Variants in RAP1GAP2 observed in about 807,000 individuals in gnomAD.
RAP1GAP2 encodes RAP1 GTPase activating protein 2.
RAP1GAP2 carries 27 observed loss-of-function variants against 95.0 expected under a neutral mutation model. The ratio of observed to expected loss-of-function variants is 0.28; its 90% CI spans 0.21 to 0.39. RAP1GAP2 has a LOEUF of 0.39. RAP1GAP2 is among the 10% of genes least tolerant of loss of function. The pLI, the probability that RAP1GAP2 is intolerant of heterozygous loss-of-function variation, is 1.00. For missense variants in RAP1GAP2, 771 were observed against 970.0 expected (o/e 0.79, Z 2.72); for synonymous variants, 373 against 380.9 (o/e 0.98, Z 0.24).
intron 4 of RAP1GAP2, among the ~76,000 whole-genome samples, chr17:2,958,759 TG>T (rs1235237680): frequency 6.7e-6 from 1 of 150,296 alleles, no homozygotes; most frequent in Non-Finnish European, 1.5e-5. Context: ...TCTGCAATAA[TG>T]GTCTGGAAGT....
intron 2 of RAP1GAP2, among the ~76,000 whole-genome samples, chr17:2,840,059 G>A (rs1377357456): frequency 1.3e-5 from 2 of 151,916 alleles, no homozygotes; most frequent in Non-Finnish European, 2.9e-5. Context: ...AACCATTTTC[G>A]TCACATCCTG....
At position 3,036,149 on chromosome 17, in the gene RAP1GAP2, T is replaced by C. The variant is rs182109963; in HGVS notation, c.*2788T>C. The C allele has an allele frequency of 6.6e-6, 1 of 152,240 alleles. No individual in the cohort carries two copies. Among genetic ancestry groups the C allele is most frequent in the Non-Finnish European group, 1.5e-5 (1 of 68,050 alleles). 9.4% of individuals were successfully genotyped at this position (152,240 alleles called of 1,614,324 possible). A position where few individuals can be genotyped will look rare whatever the true frequency, so the allele number is the denominator to read the frequency against. ...TGAGAGTGTCTGTCTATGCCAATCA[T>C]GTAAAATGACGTTTCTTGAAAAAGA... On this transcript the variant is annotated 3_prime_UTR_variant, in exon 25 of 25. Coordinates refer to ENST00000254695, the MANE Select transcript of RAP1GAP2 (RefSeq NM_015085.5).
intron 1 of RAP1GAP2, among the ~76,000 whole-genome samples, chr17:2,762,208 C>T (rs768691096): frequency 2.6e-5 from 4 of 151,236 alleles, no homozygotes; most frequent in South Asian, 2.1e-4. Context: ...AGGATGATCT[C>T]GATCTCCTGA....
At chr17:2,919,561 A>G (rs1204604306) in intron 3 of RAP1GAP2, among the ~76,000 whole-genome samples, 1 of 150,998 alleles carries the variant, frequency 6.6e-6, no homozygotes, top group African/African-American at 2.4e-5. Context: ...AAGTGGGGGC[A>G]GGGCCTAAAA....
intron 3 of RAP1GAP2, among the ~76,000 whole-genome samples, chr17:2,946,172 T>C (rs556203033): frequency 6.6e-6 from 1 of 152,342 alleles, no homozygotes; most frequent in African/African-American, 2.4e-5. Context: ...AACAGTACGC[T>C]GTTGGATTTG....
intron 2 of RAP1GAP2, among the ~76,000 whole-genome samples, chr17:2,834,622 C>T (rs934713497): frequency 2.6e-5 from 4 of 152,154 alleles, no homozygotes; most frequent in Non-Finnish European, 5.9e-5. Flanking sequence ...CGTGGCAAAA[C>T]CCCATCTCTA....
intron 17 of RAP1GAP2, among the ~76,000 whole-genome samples, chr17:3,015,914 G>T (rs2046749390): frequency 6.6e-6 from 1 of 152,196 alleles, no homozygotes; most frequent in Non-Finnish European, 1.5e-5. Flanking sequence ...CAACACAGTT[G>T]TACAGGTGTG....
At position 2,764,569 on chromosome 17, in the gene RAP1GAP2, A is replaced by G. The variant is rs1008535480; in HGVS notation, c.51-5760A>G. 2.6e-5 allele frequency among the ~76,000 whole-genome samples: 4 copies of G among 151,428 alleles called. No individual in the cohort carries two copies. In the East Asian group the frequency reaches 7.8e-4, roughly 29 times the overall value. The stretch of plus-strand genomic sequence containing the variant: ...AACCCCGTCTCTACTAAAAGCACAA[A>G]AATTAGCTGGGTGTGGTGGCAGGCA... On this transcript the variant is annotated intron_variant, in intron 1 of 25. Coordinates refer to the RAP1GAP2 transcript ENST00000637138.
intron 10 of RAP1GAP2, among the ~76,000 whole-genome samples, chr17:2,984,205 C>CG (rs2045472400): frequency 6.6e-6 from 1 of 151,854 alleles, no homozygotes; most frequent in Admixed American, 6.6e-5. Flanking sequence ...AAAAATTAGC[C>CG]GGTGTGATGG....
chr17:3,010,073 G>A (rs2046467696), intron 17 of RAP1GAP2, among the ~76,000 whole-genome samples: 1 of 152,156 alleles, frequency 6.6e-6, no homozygotes. Flanking sequence ...CAGGTGCCGT[G>A]CCTCACGCCT....
rs757163465 is a variant in RAP1GAP2 at position 2,905,395 on chromosome 17, G to T, written c.165+27G>T. ...TAAGAGGCTTCGATTCAGGAAGGCA[G>T]GGAGGGGAGAGTGTGGGGAAGTTGT... On this transcript the variant is annotated intron_variant, in intron 3 of 24. Transcript: ENST00000254695. 2.5e-6 allele frequency: 4 copies of T among 1,607,812 alleles called. No individual in the cohort carries two copies. In the South Asian group the frequency reaches 3.3e-5, roughly 13 times the overall value.
At chr17:2,962,604 C>T (rs2044386752) in intron 4 of RAP1GAP2, 66 bp from the exon 5 acceptor site, 3 of 1,478,748 alleles carry the variant, frequency 2.0e-6, no homozygotes, top group South Asian at 2.5e-5. Flanking sequence ...AGGCCAGGTG[C>T]TCTTTATCTG....
At chr17:2,810,952 A>G (rs534149117) in intron 2 of RAP1GAP2, among the ~76,000 whole-genome samples, 1 of 152,200 alleles carries the variant, frequency 6.6e-6, no homozygotes, top group South Asian at 2.1e-4. Context: ...ATTTTATTGT[A>G]GTACAACTTT....
chr17:2,882,241 C>T (rs2073331776), intron 2 of RAP1GAP2, among the ~76,000 whole-genome samples: 1 of 151,496 alleles, frequency 6.6e-6, no homozygotes, highest in African/African-American at 2.4e-5. Flanking sequence ...ATTCTCCTGC[C>T]TCAGCCTCCT....
In RAP1GAP2 at chr17:3,004,129, C is replaced by T. The variant is rs2046259325; in HGVS notation, c.1201-1240C>T. 6.6e-6 allele frequency among the ~76,000 whole-genome samples: 1 copy of T among 152,312 alleles called. No homozygotes were observed. Among genetic ancestry groups the T allele is most frequent in the African/African-American group, 2.4e-5 (1 of 41,584 alleles). On this transcript the variant is annotated intron_variant, in intron 14 of 24. Coordinates refer to ENST00000254695, the MANE Select transcript of RAP1GAP2 (RefSeq NM_015085.5). The surrounding 1 kb of genome is among the most constrained non-coding windows in gnomAD (Gnocchi z 4.1). ...CCCACCCCTGATTCTGGCTCTGTGA[C>T]TGAATTCTTGACCTGGGCCACCGGT...
At position 2,810,095 on chromosome 17, in the gene RAP1GAP2, C is replaced by T. The variant is rs999946272; in HGVS notation, c.80+9545C>T. 9.3e-4 allele frequency among the ~76,000 whole-genome samples: 135 copies of T among 144,420 alleles called. 1 individual carries two copies. Among genetic ancestry groups the T allele is most frequent in the Middle Eastern group, 3.7e-3 (1 of 270 alleles). The allele number at this position is 144,420 out of a possible 152,430, so 94.7% of individuals were successfully genotyped here. ...GCTCTGGGTGAGGCTATGCTGGGAC[C>T]GGGGGCTGTGTGTGGAGCAGGAGTT... On this transcript the variant is annotated intron_variant, in intron 2 of 24. Coordinates refer to ENST00000254695, the MANE Select transcript of RAP1GAP2 (RefSeq NM_015085.5).
chr17:2,888,777 AAGTAGTTGGGACTAC>A lies in RAP1GAP2; in HGVS notation c.81-16503_81-16489del, dbSNP rs770732595. ...AGTGATTCTCCGGCCTCAGCCTCCC[AAGTAGTTGGGACTAC>A]AGTGTACACCACCACGCCCAGCTAA... On this transcript the variant is annotated intron_variant, in intron 2 of 24. Transcript: ENST00000254695. 3.5e-4 allele frequency among the ~76,000 whole-genome samples: 52 copies of A among 149,240 alleles called. No homozygotes were observed. The Middle Eastern group carries it at 0.011, about 31-fold the overall frequency.
At chr17:2,796,427 C>A, upstream of RAP1GAP2, 2 of 1,363,534 alleles carry the variant, frequency 1.5e-6, no homozygotes, top group Non-Finnish European at 1.0e-6. The surrounding 1 kb of genome is among the most constrained non-coding windows in gnomAD (Gnocchi z 4.7). Context: ...GGCTCCCCGC[C>A]CTGCACCGGC....
Position 3,005,999 on chromosome 17 carries a change from C to T in RAP1GAP2, c.1317C>T (p.Ala439=), listed in dbSNP as rs374078714. 29 of 1,613,750 alleles carry T rather than the reference C, an allele frequency of 1.8e-5. No homozygotes were observed. Among genetic ancestry groups the T allele is most frequent in the East Asian group, 8.9e-5 (4 of 44,896 alleles). The change falls in exon 16 of 25, where the codon GCC becomes GCT. Residue 439 remains alanine, a synonymous_variant. Transcript: ENST00000254695. This position sits in a 1 kb window ranked among gnomAD's most constrained non-coding sequence, Gnocchi z 5.2. ...REFLLTKLTN[A]ENACCKSDKF... ...TTCTGCTCACCAAGCTCACCAATGC[C>T]GAGAACGCCTGCTGCAAGTCGGACA...
Sources: allele counts gnomAD v4.1 joint callset (sites outside exome capture counted in the v4.1 genomes callset), GRCh38; gene constraint gnomAD v4.1.1; non-coding constraint Gnocchi (gnomAD v3.1); transcripts MANE v1.5; gene names NCBI Gene and HGNC (gene_info 2026-07-23, HGNC 2026-07-21).